The following GTF2B variants were observed in gnomAD, a reference collection of about 807,000 sequenced individuals.
GTF2B encodes transcription initiation factor IIB.
In GTF2B, 20 loss-of-function variants were observed where a neutral mutation model predicts 34.6. The ratio of observed to expected loss-of-function variants is 0.58; its 90% CI spans 0.41 to 0.84. The LOEUF (loss-of-function observed/expected upper bound fraction) is 0.84. Among genes scored for constraint, GTF2B ranks in the 40% least tolerant of loss-of-function variants. GTF2B has a pLI of 0.00. For missense variants in GTF2B, 237 were observed against 393.3 expected (o/e 0.60, Z 3.36); for synonymous variants, 142 against 132.4 (o/e 1.07, Z -0.50).
intron 2 of GTF2B, among the ~76,000 whole-genome samples, chr1:88,864,752 G>A (rs1308195324): frequency 6.6e-6 from 1 of 152,200 alleles, no homozygotes; most frequent in Non-Finnish European, 1.5e-5. Context: ...TATTATTACT[G>A]TTTTGGTGAG....
chr1:88,884,461 A>G (rs147044908), intron 2 of GTF2B, among the ~76,000 whole-genome samples: 44 of 152,082 alleles, frequency 2.9e-4, no homozygotes, highest in African/African-American at 1.0e-3. Flanking sequence ...ACTGTCCTCA[A>G]CTCTTCAAGC....
rs765198986 is a variant in GTF2B, at chr1:88,887,322, C to G, written c.63G>C (p.Ala21=). Reference sequence around the variant, plus strand: ...CGGCTCTGTAGTCCTCCACTAAAATCGCATCTGGATGGTTTGGACATGTGA... The same window carrying G: ...CGGCTCTGTAGTCCTCCACTAAAATGGCATCTGGATGGTTTGGACATGTGA... ...PRVTCPNHPD[A]ILVEDYRAGD... Residue 21 remains alanine, a synonymous_variant, in exon 2 of 7, where the codon GCG becomes GCC. Transcript: ENST00000370500. 2.5e-6 allele frequency: 4 copies of G among 1,613,176 alleles called. No homozygotes were observed. In the Admixed American group the frequency reaches 6.7e-5, roughly 27 times the overall value.
chr1:88,867,492 A>G (rs1402076279), intron 2 of GTF2B, among the ~76,000 whole-genome samples: 1 of 152,228 alleles, frequency 6.6e-6, no homozygotes, highest in Non-Finnish European at 1.5e-5. Flanking sequence ...AAACACAAAC[A>G]TGCATAGAAC....
intron 2 of GTF2B, among the ~76,000 whole-genome samples, chr1:88,877,251 C>A (rs1673837247): frequency 6.6e-6 from 1 of 152,156 alleles, no homozygotes; most frequent in Admixed American, 6.6e-5. Flanking sequence ...CAAATGGACT[C>A]ATTTCTCTCT....
At chr1:88,854,662 ATT>A (rs1395531374) in intron 6 of GTF2B, among the ~76,000 whole-genome samples, 1 of 152,000 alleles carries the variant, frequency 6.6e-6, no homozygotes, top group African/African-American at 2.4e-5. Flanking sequence ...TGCCCAGCTA[ATT>A]TTTGTATTTT....
chr1:88,862,304 A>G (rs936935180), intron 3 of GTF2B, among the ~76,000 whole-genome samples: 2 of 152,104 alleles, frequency 1.3e-5, no homozygotes, highest in Non-Finnish European at 2.9e-5. Context: ...GCACCTTGGG[A>G]GGCCGAGGTG....
At chr1:88,871,058 C>T (rs1357219695) in intron 2 of GTF2B, among the ~76,000 whole-genome samples, 2 of 151,990 alleles carry the variant, frequency 1.3e-5, no homozygotes, top group East Asian at 1.9e-4. Context: ...TGTGCCACCA[C>T]GCCTGGCTAA....
At chr1:88,855,453 A>G (rs930548168) in intron 6 of GTF2B, among the ~76,000 whole-genome samples, 3 of 151,460 alleles carry the variant, frequency 2.0e-5, no homozygotes, top group African/African-American at 7.3e-5. Flanking sequence ...CCCAAGTTCA[A>G]GAGATTCTTG....
At position 88,853,088 on chromosome 1, in the gene GTF2B, T is replaced by A. The variant is rs994525078; in HGVS notation, c.*125A>T. 9.9e-6 allele frequency: 8 copies of A among 809,592 alleles called. No homozygotes were observed. The highest frequency in any genetic ancestry group is 1.7e-5 in the Non-Finnish European group (8 of 460,580). 50.2% of individuals were successfully genotyped at this position (809,592 alleles called of 1,614,324 possible). On this transcript the variant is annotated 3_prime_UTR_variant, in exon 7 of 7. Coordinates refer to ENST00000370500, the MANE Select transcript of GTF2B (RefSeq NM_001514.6). The stretch of plus-strand genomic sequence containing the variant: ...CATACAGAATGCCAAGCAATAGTAT[T>A]CAGCCCTGGAATGCGTACCATGTCT...
intron 5 of GTF2B, among the ~76,000 whole-genome samples, chr1:88,859,665 G>C (rs1403101079): frequency 1.3e-5 from 2 of 152,100 alleles, no homozygotes; most frequent in Non-Finnish European, 2.9e-5. Context: ...GCGAAACCCT[G>C]TCTCTACTAA....
At chr1:88,868,896 T>C (rs1464158795) in intron 2 of GTF2B, among the ~76,000 whole-genome samples, 1 of 151,842 alleles carries the variant, frequency 6.6e-6, no homozygotes, top group African/African-American at 2.4e-5. Flanking sequence ...CCACAATGCC[T>C]GACTAATTTT....
chr1:88,888,741 GAACT>G (rs1219328838), intron 1 of GTF2B, among the ~76,000 whole-genome samples: 1 of 152,188 alleles, frequency 6.6e-6, no homozygotes, highest in Non-Finnish European at 1.5e-5. Context: ...TGAAAAGTAT[GAACT>G]AACCATACAC....
intron 3 of GTF2B, among the ~76,000 whole-genome samples, chr1:88,862,952 G>C (rs1217236610): frequency 6.9e-6 from 1 of 145,698 alleles, no homozygotes; most frequent in African/African-American, 2.5e-5. Flanking sequence ...TTTTAAACAA[G>C]ACTTTTTTGG....
chr1:88,889,448 A>G (rs1161644237), intron 1 of GTF2B, among the ~76,000 whole-genome samples: 1 of 152,242 alleles, frequency 6.6e-6, no homozygotes, highest in East Asian at 1.9e-4. Flanking sequence ...GATAATCCCA[A>G]ACCCCATTTT....
intron 5 of GTF2B, among the ~76,000 whole-genome samples, chr1:88,858,131 T>C (rs767238319): frequency 2.6e-5 from 4 of 151,608 alleles, no homozygotes; most frequent in East Asian, 3.9e-4. Context: ...ACCCGAGTAG[T>C]TGGGATTACA....
chr1:88,884,729 C>T (rs555217450), intron 2 of GTF2B, among the ~76,000 whole-genome samples: 3 of 152,274 alleles, frequency 2.0e-5, no homozygotes, highest in African/African-American at 7.2e-5. Flanking sequence ...TAGAAATATT[C>T]TGATGAGTGC....
rs774432485 is a variant in GTF2B, at chr1:88,860,316, AT to A, written c.259-31del. On this transcript the variant is annotated intron_variant, in intron 3 of 6. Coordinates refer to ENST00000370500, the MANE Select transcript of GTF2B (RefSeq NM_001514.6). ...AAAACAGTTTTATAACTATGAAAAA[AT>A]TTTTTGGAAAGCATGAAAAATGGAC... The A allele has an allele frequency of 1.1e-5, 17 of 1,569,148 alleles. No homozygotes were observed. The African/African-American group carries it at 1.6e-4, about 15-fold the overall frequency.
intron 2 of GTF2B, among the ~76,000 whole-genome samples, chr1:88,866,953 A>C (rs1673573445): frequency 6.6e-6 from 1 of 152,212 alleles, no homozygotes; most frequent in Admixed American, 6.5e-5. Flanking sequence ...TGGCATTACA[A>C]GGATTTATCT....
At chr1:88,883,261 G>A (rs1042640653) in intron 2 of GTF2B, among the ~76,000 whole-genome samples, 1 of 152,184 alleles carries the variant, frequency 6.6e-6, no homozygotes, top group Admixed American at 6.5e-5. Context: ...AGCAGTAGCC[G>A]AAGGCAGTAC....
Sources: allele counts gnomAD v4.1 joint callset (sites outside exome capture counted in the v4.1 genomes callset), GRCh38; gene constraint gnomAD v4.1.1; transcripts MANE v1.5; gene names NCBI Gene and HGNC (gene_info 2026-07-23, HGNC 2026-07-21).